The following PUM1 variants were observed in gnomAD, a reference collection of about 807,000 sequenced individuals.
PUM1 encodes the protein pumilio RNA binding family member 1.
A neutral mutation model predicts 131.8 loss-of-function variants in PUM1; 13 were observed. The ratio of observed to expected loss-of-function variants is 0.10; its 90% CI spans 0.06 to 0.16. The LOEUF is 0.16. PUM1 is among the 10% of genes least tolerant of loss of function. The pLI, the probability that PUM1 is intolerant of heterozygous loss-of-function variation, is 1.00. For missense variants in PUM1, 961 were observed against 1,512.4 expected (o/e 0.64, Z 6.05); for synonymous variants, 509 against 556.5 (o/e 0.91, Z 1.20).
chr1:30,950,513 A>AAT (rs2124409722), intron 16 of PUM1, among the ~76,000 whole-genome samples: 1 of 152,368 alleles, frequency 6.6e-6, no homozygotes, highest in Admixed American at 6.5e-5. Flanking sequence ...TTTCACTATT[A>AAT]ATATCTGCTA....
At chr1:31,000,006 C>A (rs1047024697) in intron 5 of PUM1, among the ~76,000 whole-genome samples, 8 of 152,148 alleles carry the variant, frequency 5.3e-5, no homozygotes, top group Non-Finnish European at 7.3e-5. Context: ...GGTTAGGCAT[C>A]GCAATCTTTT....
At chr1:30,985,264 G>A (rs1641505064) in intron 7 of PUM1, among the ~76,000 whole-genome samples, 1 of 152,094 alleles carries the variant, frequency 6.6e-6, no homozygotes, top group East Asian at 1.9e-4. Context: ...AACAGACTCA[G>A]CCCTTCTGAG....
intron 18 of PUM1, among the ~76,000 whole-genome samples, chr1:30,944,507 A>C (rs532773767): frequency 2.6e-5 from 4 of 152,252 alleles, no homozygotes; most frequent in Non-Finnish European, 5.9e-5. Context: ...TGGAAGCTGA[A>C]GCTAAGAAGA....
chr1:31,053,923 T>C (rs1433684346), intron 2 of PUM1, among the ~76,000 whole-genome samples: 5 of 151,580 alleles, frequency 3.3e-5, no homozygotes, highest in East Asian at 1.9e-4. Flanking sequence ...GGTGAAACCT[T>C]GTTTCTACTA....
chr1:30,967,621 A>G (rs117319702), intron 11 of PUM1, among the ~76,000 whole-genome samples: 4 of 152,246 alleles, frequency 2.6e-5, no homozygotes, highest in Non-Finnish European at 5.9e-5. Context: ...AGTTTAAGCC[A>G]TATGAAAAAC....
At chr1:30,977,443 T>C (rs1355511140) in intron 9 of PUM1, among the ~76,000 whole-genome samples, 1 of 152,204 alleles carries the variant, frequency 6.6e-6, no homozygotes, top group Non-Finnish European at 1.5e-5. Context: ...AGGACTGCTA[T>C]TACCATTAAC....
chr1:30,975,542 T>TG (rs1410180633), intron 9 of PUM1, among the ~76,000 whole-genome samples: 1 of 145,516 alleles, frequency 6.9e-6, no homozygotes, highest in Non-Finnish European at 1.5e-5. Context: ...TTTTTTTTTT[T>TG]GGTAGAGGTC....
intron 9 of PUM1, among the ~76,000 whole-genome samples, chr1:30,978,664 T>C (rs1428001781): frequency 6.6e-6 from 1 of 152,252 alleles, no homozygotes; most frequent in Non-Finnish European, 1.5e-5. Flanking sequence ...ATATCTAAAC[T>C]GGAAGACATT....
At chr1:31,051,701 T>G (rs955632957) in intron 2 of PUM1, among the ~76,000 whole-genome samples, 2 of 151,778 alleles carry the variant, frequency 1.3e-5, no homozygotes, top group Non-Finnish European at 2.9e-5. Context: ...GCTAAAAGAG[T>G]GCAAGCAAAG....
chr1:31,009,017 CAAAAAA>C (rs57893493), intron 3 of PUM1, among the ~76,000 whole-genome samples: 1 of 121,814 alleles, frequency 8.2e-6, no homozygotes, highest in Non-Finnish European at 1.8e-5. Flanking sequence ...ACTAAAAATA[CAAAAAA>C]AAAAAAAAAA....
At position 30,933,107 on chromosome 1, in the gene PUM1, T is replaced by C; in HGVS notation, c.*104A>G. 2 of 1,383,594 alleles carry C rather than the reference T, an allele frequency of 1.4e-6. No homozygotes were observed. Among genetic ancestry groups the C allele is most frequent in the Non-Finnish European group, 1.9e-6 (2 of 1,034,370 alleles). 85.7% of individuals were successfully genotyped at this position (1,383,594 alleles called of 1,614,324 possible). A position where few individuals can be genotyped will look rare whatever the true frequency, so the allele number is the denominator to read the frequency against. On this transcript the variant is annotated 3_prime_UTR_variant, in exon 22 of 22. Coordinates refer to ENST00000426105, the MANE Select transcript of PUM1 (RefSeq NM_001020658.2). ...GAGGGAGTAATCCTGGAGCAACCACTTGCCCGTCTCAGACTCTACACTAGA... is the reference window on the plus strand; with the variant it reads ...GAGGGAGTAATCCTGGAGCAACCACCTGCCCGTCTCAGACTCTACACTAGA...
At chr1:31,017,116 A>C (rs949685211) in intron 3 of PUM1, among the ~76,000 whole-genome samples, 3 of 152,238 alleles carry the variant, frequency 2.0e-5, no homozygotes, top group African/African-American at 7.2e-5. Flanking sequence ...CTGATGCCCA[A>C]AAGTACTACT....
intron 2 of PUM1, among the ~76,000 whole-genome samples, chr1:31,057,267 G>C (rs1452896726): frequency 2.0e-5 from 3 of 152,080 alleles, no homozygotes; most frequent in Non-Finnish European, 4.4e-5. Context: ...GCCGGGTGTA[G>C]TGTTGCAAAC....
At chr1:31,063,862 A>G (rs1644420310) in intron 1 of PUM1, among the ~76,000 whole-genome samples, 1 of 152,222 alleles carries the variant, frequency 6.6e-6, no homozygotes, top group African/African-American at 2.4e-5. Flanking sequence ...AACAGTTTCA[A>G]AGTGAGCAAA....
chr1:31,041,052 G>A (rs1383851843), intron 2 of PUM1, among the ~76,000 whole-genome samples: 2 of 152,130 alleles, frequency 1.3e-5, no homozygotes, highest in Admixed American at 6.6e-5. Flanking sequence ...AGCAACATAG[G>A]TATAATCTCG....
intron 2 of PUM1, among the ~76,000 whole-genome samples, chr1:31,058,373 G>A (rs540779266): frequency 5.9e-5 from 9 of 152,206 alleles, no homozygotes; most frequent in Non-Finnish European, 1.2e-4. Flanking sequence ...TTAAAAATGC[G>A]TTGTAGGCCG....
intron 3 of PUM1, among the ~76,000 whole-genome samples, chr1:31,009,748 A>G (rs2124514721): frequency 7.2e-6 from 1 of 139,738 alleles, no homozygotes; most frequent in East Asian, 2.2e-4. Context: ...AGCCTGGGCA[A>G]GAGAGCAAGA....
At chr1:31,026,198 G>A (rs1481273620) in intron 3 of PUM1, among the ~76,000 whole-genome samples, 1 of 151,704 alleles carries the variant, frequency 6.6e-6, no homozygotes, top group African/African-American at 2.4e-5. Flanking sequence ...GGAGGTTACA[G>A]TGAGCCGAGA....
chr1:31,052,830 A>G (rs1459496348), intron 2 of PUM1, among the ~76,000 whole-genome samples: 2 of 149,072 alleles, frequency 1.3e-5, no homozygotes, highest in African/African-American at 5.0e-5. Flanking sequence ...CAGCCTCTCG[A>G]GCAGCTGGAA....
Sources: gnomAD v4.1 joint callset for allele counts (sites outside exome capture counted in the v4.1 genomes callset) on GRCh38, gnomAD v4.1.1 for gene constraint, MANE v1.5 for transcripts, NCBI Gene and HGNC (gene_info 2026-07-23, HGNC 2026-07-21) for gene names.